Variants in CSGALNACT1 observed in about 807,000 individuals in gnomAD.
The protein encoded by CSGALNACT1 is chondroitin sulfate N-acetylgalactosaminyltransferase 1.
A neutral mutation model predicts 51.0 loss-of-function variants in CSGALNACT1; 52 were observed. That is an observed-to-expected ratio of 1.02 (90% CI 0.82 to 1.29). The LOEUF (loss-of-function observed/expected upper bound fraction) is 1.29, where lower values mean the gene tolerates loss of function less well. Among genes scored for constraint, CSGALNACT1 ranks in the 50% most tolerant of loss-of-function variants. CSGALNACT1 has a pLI of 0.00. For missense variants in CSGALNACT1, 935 were observed against 679.2 expected (o/e 1.38, Z -4.19); for synonymous variants, 341 against 254.4 (o/e 1.34, Z -3.24).
At chr8:19,705,660 C>T (rs778296299) in intron 1 of CSGALNACT1, among the ~76,000 whole-genome samples, 5 of 151,846 alleles carry the variant, frequency 3.3e-5, no homozygotes, top group Non-Finnish European at 7.4e-5. Flanking sequence ...TTGCCTGAGC[C>T]GGGGAGGGGG....
At chr8:19,588,181 A>G (rs947414415) in intron 3 of CSGALNACT1, among the ~76,000 whole-genome samples, 2 of 152,016 alleles carry the variant, frequency 1.3e-5, no homozygotes, top group African/African-American at 4.8e-5. Context: ...GGTGACAAGA[A>G]TGAAACCCTG....
Position 19,680,578 on chromosome 8 carries a change from C to CA in CSGALNACT1, c.-544+1894_-544+1895insT, listed in dbSNP as rs1554804134. ...ACCCTCGCCCCACCCCCCCCCCCCC[C>CA]CACAAAAAAAGAGAATAGTGCAAAT... On this transcript the variant is annotated intron_variant, in intron 1 of 9. Transcript: ENST00000332246. Among the ~76,000 whole-genome samples the CA allele has an allele frequency of 2.2e-4, 24 of 111,300 alleles. 1 individual carries two copies. Among genetic ancestry groups the CA allele is most frequent in the Non-Finnish European group, 2.4e-4 (12 of 50,852 alleles). 73.0% of individuals were successfully genotyped at this position (111,300 alleles called of 152,430 possible). A position where few individuals can be genotyped will look rare whatever the true frequency, so the allele number is the denominator to read the frequency against.
chr8:19,545,179 T>C (rs1162241402), intron 3 of CSGALNACT1, among the ~76,000 whole-genome samples: 1 of 152,166 alleles, frequency 6.6e-6, no homozygotes, highest in Non-Finnish European at 1.5e-5. Context: ...TGACCCAGTC[T>C]TGCCTGTCAC....
chr8:19,743,136 CT>C (rs2064420497), intron 1 of CSGALNACT1, among the ~76,000 whole-genome samples: 1 of 152,210 alleles, frequency 6.6e-6, no homozygotes, highest in Non-Finnish European at 1.5e-5. Flanking sequence ...GAAAGGAACA[CT>C]GTTGCTATTT....
chr8:19,524,526 G>T (rs541870878), intron 3 of CSGALNACT1, among the ~76,000 whole-genome samples: 29 of 152,006 alleles, frequency 1.9e-4, no homozygotes, highest in African/African-American at 6.8e-4. Context: ...AATGAGCCTT[G>T]TCATAGTCCT....
intron 1 of CSGALNACT1, among the ~76,000 whole-genome samples, chr8:19,626,158 C>T (rs765152562): frequency 4.6e-5 from 7 of 152,096 alleles, no homozygotes; most frequent in Non-Finnish European, 1.0e-4. Flanking sequence ...TCACAATACC[C>T]AGTTTTAAGA....
intron 3 of CSGALNACT1, among the ~76,000 whole-genome samples, chr8:19,582,732 AT>A (rs2045849632): frequency 1.3e-5 from 2 of 152,184 alleles, no homozygotes; most frequent in Non-Finnish European, 2.9e-5. Context: ...GGAAGCCACC[AT>A]AAAAAGCAAA....
intron 6 of CSGALNACT1, among the ~76,000 whole-genome samples, chr8:19,423,358 T>C (rs1330773249): frequency 6.6e-6 from 1 of 152,072 alleles, no homozygotes; most frequent in Non-Finnish European, 1.5e-5. Flanking sequence ...AAATGACGAG[T>C]CTACAAGTGA....
intron 1 of CSGALNACT1, chr8:19,688,958 G>A (rs1285953465): frequency 6.6e-6 from 1 of 152,208 alleles, no homozygotes; most frequent in Non-Finnish European, 1.5e-5. Flanking sequence ...ACGTAATTAT[G>A]GATAACAGTG....
intron 1 of CSGALNACT1, among the ~76,000 whole-genome samples, chr8:19,713,528 T>A (rs1283159215): frequency 1.3e-5 from 2 of 152,192 alleles, no homozygotes. Flanking sequence ...TTAGTTAAGA[T>A]GAGGCCATAC....
chr8:19,685,739 A>T (rs2060936933), upstream of CSGALNACT1, among the ~76,000 whole-genome samples: 1 of 152,190 alleles, frequency 6.6e-6, no homozygotes, highest in African/African-American at 2.4e-5. Context: ...GCCATCATTC[A>T]TATTCTGAAT....
intron 1 of CSGALNACT1, among the ~76,000 whole-genome samples, chr8:19,619,114 A>T (rs1376754352): frequency 6.6e-6 from 1 of 152,136 alleles, no homozygotes; most frequent in East Asian, 1.9e-4. Flanking sequence ...TGTACAGGGC[A>T]CTACAGAGGA....
intron 1 of CSGALNACT1, among the ~76,000 whole-genome samples, chr8:19,691,808 T>G (rs1458727380): frequency 2.0e-5 from 3 of 152,148 alleles, no homozygotes; most frequent in East Asian, 3.9e-4. Flanking sequence ...AGTGTGTCGC[T>G]GGGCTGGCAG....
chr8:19,756,755 C>G (rs1180924670), intron 1 of CSGALNACT1, among the ~76,000 whole-genome samples: 1 of 152,186 alleles, frequency 6.6e-6, no homozygotes, highest in African/African-American at 2.4e-5. Context: ...TCCATCCCAG[C>G]CACAATAATA....
intron 1 of CSGALNACT1, among the ~76,000 whole-genome samples, chr8:19,634,921 AATG>A (rs1335994389): frequency 1.6e-4 from 25 of 152,242 alleles, no homozygotes; most frequent in African/African-American, 5.1e-4. Flanking sequence ...AATGTAATAT[AATG>A]ATGATAACAC....
chr8:19,603,786 A>G (rs2050937626), upstream of CSGALNACT1, among the ~76,000 whole-genome samples: 1 of 152,200 alleles, frequency 6.6e-6, no homozygotes, highest in African/African-American at 2.4e-5. Flanking sequence ...CCATCTAAGT[A>G]AAAAGGGGGG....
exon 1 of CSGALNACT1, chr8:19,602,232 C>G (rs2050591134): frequency 5.5e-6 from 1 of 182,732 alleles, no homozygotes; most frequent in Admixed American, 6.0e-5. Context: ...AATGCTCTGA[C>G]AGCGCTGAAG....
At chr8:19,515,886 C>T (rs986512523) in intron 3 of CSGALNACT1, among the ~76,000 whole-genome samples, 3 of 152,014 alleles carry the variant, frequency 2.0e-5, no homozygotes, top group African/African-American at 7.2e-5. Flanking sequence ...GTCATGGACC[C>T]CAGAAGGTGC....
At chr8:19,543,841 T>C (rs907759628) in intron 3 of CSGALNACT1, among the ~76,000 whole-genome samples, 1 of 152,212 alleles carries the variant, frequency 6.6e-6, no homozygotes, top group Non-Finnish European at 1.5e-5. Context: ...ACTCAAAATG[T>C]AGATGGCCTT....
Sources: gnomAD v4.1 joint callset for allele counts (sites outside exome capture counted in the v4.1 genomes callset) on GRCh38, gnomAD v4.1.1 for gene constraint, MANE v1.5 for transcripts, NCBI Gene and HGNC (gene_info 2026-07-23, HGNC 2026-07-21) for gene names.